The following IFT122 variants were observed in gnomAD, a reference collection of about 807,000 sequenced individuals.
IFT122 encodes intraflagellar transport protein 122 homolog.
A neutral mutation model predicts 161.6 loss-of-function variants in IFT122; 118 were observed. That is an observed-to-expected ratio of 0.73 (90% CI 0.63 to 0.85). IFT122 has a LOEUF of 0.85. IFT122 is among the 40% of genes least tolerant of loss of function. IFT122 has a pLI of 0.00. For missense variants in IFT122, 1,381 were observed against 1,579.6 expected (o/e 0.87, Z 2.13); for synonymous variants, 550 against 602.4 (o/e 0.91, Z 1.27).
chr3:129,489,654 A>T (rs1372336338), intron 16 of IFT122, among the ~76,000 whole-genome samples: 16 of 151,986 alleles, frequency 1.1e-4, no homozygotes, highest in African/African-American at 3.4e-4. Context: ...CCTGGCTAAC[A>T]CGGTGAAACC....
chr3:129,464,940 G>A (rs753496135), intron 7 of IFT122, among the ~76,000 whole-genome samples, 159 bp downstream of exon 7: 1 of 151,776 alleles, frequency 6.6e-6, no homozygotes, highest in Non-Finnish European at 1.5e-5. Context: ...TAATAGTCCC[G>A]CTACCTGAGA....
intron 20 of IFT122, chr3:129,503,840 C>T (rs772500842): frequency 3.0e-5 from 7 of 234,796 alleles, no homozygotes; most frequent in Non-Finnish European, 5.9e-5. Context: ...GGCTCATGTC[C>T]GGTTCTCCTG....
chr3:129,449,415 CT>C (rs1488391660), intron 1 of IFT122, among the ~76,000 whole-genome samples: 1 of 152,154 alleles, frequency 6.6e-6, no homozygotes, highest in African/African-American at 2.4e-5. Flanking sequence ...GTGAAAGTGT[CT>C]GTTTCACACC....
At chr3:129,457,455 C>T (rs2075649953) in intron 3 of IFT122, among the ~76,000 whole-genome samples, 1 of 152,126 alleles carries the variant, frequency 6.6e-6, no homozygotes, top group Admixed American at 6.6e-5. Context: ...TCAGACATGC[C>T]AGGCTTTTCC....
chr3:129,457,996 C>T lies in IFT122; in HGVS notation c.194-603C>T, dbSNP rs572251844. 406 of 157,014 alleles carry T rather than the reference C, an allele frequency of 2.6e-3. 3 individuals are homozygous for T. The highest frequency in any genetic ancestry group is 9.3e-3 in the African/African-American group (388 of 41,590). 9.7% of individuals were successfully genotyped at this position (157,014 alleles called of 1,614,324 possible). ...CTCGTGATCCACCCGCCTCAGCCCT[C>T]CAAAGTGCTGGGATTACAGGTGTGA... On this transcript the variant is annotated intron_variant, in intron 3 of 29. Coordinates refer to ENST00000348417, the MANE Select transcript of IFT122 (RefSeq NM_052989.3).
intron 23 of IFT122, among the ~76,000 whole-genome samples, chr3:129,510,053 A>G (rs2082638905): frequency 6.6e-6 from 1 of 152,164 alleles, no homozygotes; most frequent in African/African-American, 2.4e-5. Flanking sequence ...TGCTCCCTCC[A>G]GCTGGGCATC....
intron 3 of IFT122, among the ~76,000 whole-genome samples, chr3:129,455,668 T>G (rs992520027): frequency 2.6e-5 from 4 of 152,080 alleles, no homozygotes; most frequent in African/African-American, 4.8e-5. Context: ...TGCATGTAAT[T>G]TCTGAACCCC....
intron 9 of IFT122, among the ~76,000 whole-genome samples, chr3:129,473,895 T>G (rs1194223889): frequency 1.3e-5 from 2 of 151,578 alleles, no homozygotes; most frequent in East Asian, 3.9e-4. Flanking sequence ...CTGAAATGGT[T>G]GTTGTTTATA....
chr3:129,498,933 T>C (rs71255451), intron 18 of IFT122, among the ~76,000 whole-genome samples: 17 of 152,248 alleles, frequency 1.1e-4, no homozygotes, highest in Admixed American at 3.3e-4. Context: ...GGGTAACTAC[T>C]CTGAAAAGAG....
chr3:129,479,306 G>A (rs1000913617), intron 12 of IFT122, among the ~76,000 whole-genome samples: 14 of 151,474 alleles, frequency 9.2e-5, no homozygotes, highest in Non-Finnish European at 1.5e-4. Context: ...GTGTGGTGGC[G>A]CTTGCCTGTA....
intron 15 of IFT122, among the ~76,000 whole-genome samples, chr3:129,484,063 G>T (rs2078987970): frequency 6.6e-6 from 1 of 151,982 alleles, no homozygotes; most frequent in Non-Finnish European, 1.5e-5. Flanking sequence ...GGTGATGTGT[G>T]TGTGAGAGAG....
chr3:129,482,515 C>G (rs568301822), intron 14 of IFT122, among the ~76,000 whole-genome samples: 2 of 152,298 alleles, frequency 1.3e-5, no homozygotes, highest in South Asian at 4.1e-4. Flanking sequence ...CCTCCTTGTT[C>G]TCAGCAGCAG....
intron 19 of IFT122, among the ~76,000 whole-genome samples, chr3:129,501,507 C>A (rs927245208): frequency 6.6e-6 from 1 of 152,208 alleles, no homozygotes; most frequent in Non-Finnish European, 1.5e-5. Flanking sequence ...GACAGAGGCA[C>A]AGATTTTGTT....
intron 12 of IFT122, 28 bp downstream of exon 12, chr3:129,478,246 G>A: frequency 6.2e-7 from 1 of 1,602,838 alleles, no homozygotes; most frequent in South Asian, 1.1e-5. Context: ...GAAGGAGTTG[G>A]GCTGAATTCC....
In IFT122 at chr3:129,512,342, A is replaced by G; in HGVS notation, c.2917A>G (p.Thr973Ala). 6.2e-7 allele frequency: 1 copy of G among 1,613,800 alleles called. No individual in the cohort carries two copies. Among genetic ancestry groups the G allele is most frequent in the Non-Finnish European group, 8.5e-7 (1 of 1,179,886 alleles). The part of the protein sequence containing the change: ...EDPFSVHRPE[T>A]LFNISRFLLH... Reference sequence around the variant, plus strand: ...TCCGTTCAGTGTCCATCGTCCTGAAACTCTTTTCAACATCTCCAGGTTCCT... The same window carrying G: ...TCCGTTCAGTGTCCATCGTCCTGAAGCTCTTTTCAACATCTCCAGGTTCCT... Residue 973 changes from threonine (T) to alanine (A), a missense_variant, in exon 24 of 30, where the codon ACT (threonine) becomes GCT (alanine). Coordinates refer to ENST00000348417, the MANE Select transcript of IFT122 (RefSeq NM_052989.3).
chr3:129,498,299 A>T (rs1024221018), intron 18 of IFT122, among the ~76,000 whole-genome samples: 49 of 152,176 alleles, frequency 3.2e-4, no homozygotes, highest in African/African-American at 1.2e-3. Context: ...GTCCCTTTGA[A>T]GGACATTTCT....
At chr3:129,463,408 C>T (rs771209610) in intron 5 of IFT122, 152 bp from the exon 6 acceptor site, 27 of 662,652 alleles carry the variant, frequency 4.1e-5, no homozygotes, top group Non-Finnish European at 6.3e-5. Context: ...TGGAATCGTA[C>T]AGTATATGAC....
intron 1 of IFT122, among the ~76,000 whole-genome samples, chr3:129,441,941 C>T (rs899632612): frequency 6.6e-6 from 1 of 152,174 alleles, no homozygotes; most frequent in African/African-American, 2.4e-5. Flanking sequence ...AGAGCTCATG[C>T]TCGGCCTAAA....
At chr3:129,484,636 A>G (rs895334702) in intron 15 of IFT122, among the ~76,000 whole-genome samples, 25 of 152,048 alleles carry the variant, frequency 1.6e-4, no homozygotes, top group African/African-American at 3.9e-4. Flanking sequence ...CTTTATGGCT[A>G]TCTTCTCATT....
Sources: gnomAD v4.1 joint callset for allele counts (sites outside exome capture counted in the v4.1 genomes callset) on GRCh38, gnomAD v4.1.1 for gene constraint, MANE v1.5 for transcripts, NCBI Gene and HGNC (gene_info 2026-07-23, HGNC 2026-07-21) for gene names.